SLC2A13: variants seen among roughly 807,000 people sequenced by gnomAD.
SLC2A13 encodes the protein proton myo-inositol cotransporter.
A neutral mutation model predicts 64.4 loss-of-function variants in SLC2A13; 32 were observed. That is an observed-to-expected ratio of 0.50 (90% CI 0.37 to 0.67). The LOEUF is 0.67. SLC2A13 is among the 30% of genes least tolerant of loss of function. SLC2A13 has a pLI of 0.00. For missense variants in SLC2A13, 743 were observed against 829.2 expected (o/e 0.90, Z 1.28); for synonymous variants, 338 against 327.1 (o/e 1.03, Z -0.36).
At chr12:39,871,161 C>A (rs1404869093) in intron 5 of SLC2A13, among the ~76,000 whole-genome samples, 2 of 151,942 alleles carry the variant, frequency 1.3e-5, no homozygotes, top group Non-Finnish European at 2.9e-5. Context: ...ATGAAACAGT[C>A]CTTGTGTACA....
chr12:39,797,745 C>CACAG (rs1941627882), intron 7 of SLC2A13, among the ~76,000 whole-genome samples: 1 of 144,134 alleles, frequency 6.9e-6, no homozygotes, highest in Admixed American at 7.0e-5. Context: ...CACACACACA[C>CACAG]ACACACACAC....
rs965200796 is a variant in SLC2A13 at position 40,105,686 on chromosome 12, G to T, written c.123C>A (p.Leu41=). Residue 41 remains leucine (L), a synonymous_variant, in exon 1 of 10, where the codon CTC becomes CTA. Coordinates refer to ENST00000280871, the MANE Select transcript of SLC2A13 (RefSeq NM_052885.4). The surrounding 1 kb of genome is among the most constrained non-coding windows in gnomAD (Gnocchi z 4.2). ...TGGTGCTCGATTCGGCGGCAGCCAG[G>T]AGGCTGCACTCCCCGGCCGCGCTCG... ...DAASAAGECS[L]LAAAESSTSL... 6.7e-7 allele frequency: 1 copy of T among 1,488,696 alleles called. No individual in the cohort carries two copies. Among genetic ancestry groups the T allele is most frequent in the South Asian group, 1.3e-5 (1 of 77,450 alleles). 92.2% of individuals were successfully genotyped at this position (1,488,696 alleles called of 1,614,324 possible).
intron 3 of SLC2A13, among the ~76,000 whole-genome samples, chr12:39,988,493 G>C (rs1947067776): frequency 6.8e-6 from 1 of 146,510 alleles, no homozygotes; most frequent in South Asian, 2.2e-4. Context: ...AAGGAAGGAA[G>C]GAGAAAAAGA....
intron 7 of SLC2A13, among the ~76,000 whole-genome samples, chr12:39,797,695 T>C (rs1174548633): frequency 6.6e-6 from 1 of 150,872 alleles, no homozygotes; most frequent in Non-Finnish European, 1.5e-5. Flanking sequence ...AATGAAAAGC[T>C]AATGGATACA....
chr12:39,977,388 C>T (rs956956345), intron 3 of SLC2A13, among the ~76,000 whole-genome samples: 1 of 152,184 alleles, frequency 6.6e-6, no homozygotes, highest in African/African-American at 2.4e-5. Flanking sequence ...CTGAGTCAAA[C>T]AGAACTTCCT....
At chr12:39,934,924 G>A (rs1466546366) in intron 4 of SLC2A13, among the ~76,000 whole-genome samples, 1 of 152,102 alleles carries the variant, frequency 6.6e-6, no homozygotes, top group Admixed American at 6.5e-5. Context: ...TCTGCATGGA[G>A]CGGCTTAATA....
At chr12:39,783,833 C>T (rs928973964) in intron 7 of SLC2A13, among the ~76,000 whole-genome samples, 6 of 152,154 alleles carry the variant, frequency 3.9e-5, no homozygotes, top group Non-Finnish European at 7.3e-5. Flanking sequence ...ACCCCATCGT[C>T]GCAGCCTAAA....
chr12:40,037,228 T>C (rs2136225738), intron 2 of SLC2A13, among the ~76,000 whole-genome samples: 1 of 152,302 alleles, frequency 6.6e-6, no homozygotes, highest in Middle Eastern at 3.4e-3. Flanking sequence ...AGAATTATGC[T>C]GGCTTCAAAA....
intron 3 of SLC2A13, among the ~76,000 whole-genome samples, chr12:40,025,440 G>A (rs138469843): frequency 5.9e-5 from 9 of 152,256 alleles, no homozygotes; most frequent in South Asian, 2.1e-4. Context: ...CCTATGAAAA[G>A]AGAAGGATCA....
chr12:39,839,645 T>C (rs76400176), intron 6 of SLC2A13, among the ~76,000 whole-genome samples: 2,144 of 152,170 alleles, frequency 0.014, 39 homozygotes, highest in African/African-American at 0.047. Flanking sequence ...ACCTCTCAGA[T>C]AGTGGCATCT....
At chr12:39,826,535 T>A (rs1942680905) in intron 7 of SLC2A13, among the ~76,000 whole-genome samples, 1 of 151,452 alleles carries the variant, frequency 6.6e-6, no homozygotes, top group Non-Finnish European at 1.5e-5. Flanking sequence ...TTTAAGAGTT[T>A]ACTCTTATAC....
chr12:40,106,035 T>C lies in SLC2A13; in HGVS notation c.-227A>G, dbSNP rs1399816947. 7.0e-6 allele frequency: 3 copies of C among 426,298 alleles called. No homozygotes were observed. In the Admixed American group the frequency reaches 1.4e-4, roughly 20 times the overall value. 26.4% of individuals were successfully genotyped at this position (426,298 alleles called of 1,614,324 possible). The stretch of plus-strand genomic sequence containing the variant: ...GGAGTTGGAGCCCGGCGGGTCTCAC[T>C]CCACACTCACGCCCCGCGCCTGCCG... On this transcript the variant is annotated 5_prime_UTR_variant, in exon 1 of 10. Coordinates refer to ENST00000280871, the MANE Select transcript of SLC2A13 (RefSeq NM_052885.4).
rs534291556 is a variant in SLC2A13 at position 39,758,871 on chromosome 12, A to G, written c.*1155T>C. ...ACGAGTTTATGCTCTTAAAGTAAAA[A>G]AAGACAAGTACAATTAAATAATAAT... On this transcript the variant is annotated 3_prime_UTR_variant, in exon 10 of 10. Coordinates refer to ENST00000280871, the MANE Select transcript of SLC2A13 (RefSeq NM_052885.4). 3.4e-4 allele frequency: 52 copies of G among 152,078 alleles called. No individual in the cohort carries two copies. Among genetic ancestry groups the G allele is most frequent in the Non-Finnish European group, 5.9e-4 (40 of 67,886 alleles). 9.4% of individuals were successfully genotyped at this position (152,078 alleles called of 1,614,324 possible). A position where few individuals can be genotyped will look rare whatever the true frequency, so the allele number is the denominator to read the frequency against.
chr12:39,824,594 G>A (rs570242752), intron 7 of SLC2A13, among the ~76,000 whole-genome samples: 11 of 152,308 alleles, frequency 7.2e-5, no homozygotes, highest in Admixed American at 6.5e-4. Context: ...CATCTGTACT[G>A]AGGTGGACGT....
At position 40,105,398 on chromosome 12, in the gene SLC2A13, G is replaced by A. The variant is rs1939272943; in HGVS notation, c.411C>T (p.Ala137=). The stretch of plus-strand genomic sequence containing the variant: ...CGAAGACGCCGTTGAGGGCGCCTCC[G>A]GCCAGCGCCGAGACGGCAGCCGCCC... ...TVGAAAVSAL[A]GGALNGVFGR... The change falls in exon 1 of 10, where the codon GCC becomes GCT. Residue 137 remains alanine, a synonymous_variant. Coordinates refer to ENST00000280871, the MANE Select transcript of SLC2A13 (RefSeq NM_052885.4). This position sits in a 1 kb window ranked among gnomAD's most constrained non-coding sequence, Gnocchi z 4.2. 1.9e-6 allele frequency: 3 copies of A among 1,554,656 alleles called. No individual in the cohort carries two copies. Among genetic ancestry groups the A allele is most frequent in the Non-Finnish European group, 2.6e-6 (3 of 1,150,624 alleles).
At chr12:40,089,563 C>G (rs1429433185) in intron 1 of SLC2A13, among the ~76,000 whole-genome samples, 1 of 152,118 alleles carries the variant, frequency 6.6e-6, no homozygotes, top group East Asian at 1.9e-4. Flanking sequence ...GCTCTGAATA[C>G]AAGGAAGACT....
chr12:39,917,159 A>T (rs1945533748), intron 4 of SLC2A13, among the ~76,000 whole-genome samples: 1 of 152,120 alleles, frequency 6.6e-6, no homozygotes, highest in African/African-American at 2.4e-5. Flanking sequence ...TTTGATAAGG[A>T]CTGCAGAGAA....
chr12:39,920,077 C>T (rs1165538131), intron 4 of SLC2A13, among the ~76,000 whole-genome samples: 1 of 152,000 alleles, frequency 6.6e-6, no homozygotes, highest in African/African-American at 2.4e-5. Context: ...CTGTGCTCAC[C>T]AAGGGAATTT....
At chr12:39,841,452 G>C (rs1211459577) in intron 6 of SLC2A13, among the ~76,000 whole-genome samples, 1 of 151,854 alleles carries the variant, frequency 6.6e-6, no homozygotes, top group Non-Finnish European at 1.5e-5. Flanking sequence ...CTCCAGTGGG[G>C]GTTAAGTGTT....
Sources: gnomAD v4.1 joint callset for allele counts (sites outside exome capture counted in the v4.1 genomes callset) on GRCh38, gnomAD v4.1.1 for gene constraint, Gnocchi (gnomAD v3.1) non-coding constraint, MANE v1.5 for transcripts, NCBI Gene and HGNC (gene_info 2026-07-23, HGNC 2026-07-21) for gene names.